ATF7: variants seen among roughly 807,000 people sequenced by gnomAD.
ATF7 encodes cyclic AMP-dependent transcription factor ATF-7.
Under a neutral mutation model 50.4 loss-of-function variants are expected in ATF7, and 10 were observed. The observed-to-expected ratio is 0.20, with a 90% CI of 0.12 to 0.34. ATF7 has a LOEUF of 0.34. Among genes scored for constraint, ATF7 ranks in the 10% least tolerant of loss-of-function variants. ATF7 has a pLI of 1.00. For missense variants in ATF7, 465 were observed against 613.9 expected (o/e 0.76, Z 2.56); for synonymous variants, 201 against 226.4 (o/e 0.89, Z 1.01).
At chr12:53,543,505 A>T in intron 3 of ATF7, 57 bp from the exon 4 acceptor site, 1 of 1,459,270 alleles carries the variant, frequency 6.9e-7, no homozygotes, top group Non-Finnish European at 9.3e-7. Context: ...TTAAAACTTG[A>T]TATTAAATAG....
chr12:53,518,044 T>C (rs1565914135), intron 11 of ATF7, among the ~76,000 whole-genome samples: 1 of 152,054 alleles, frequency 6.6e-6, no homozygotes, highest in Non-Finnish European at 1.5e-5. Flanking sequence ...TTTGAATTTT[T>C]AGTAGAGATG....
chr12:53,581,018 A>G (rs1308199769), intron 2 of ATF7, among the ~76,000 whole-genome samples: 1 of 152,062 alleles, frequency 6.6e-6, no homozygotes, highest in African/African-American at 2.4e-5. Context: ...AGGCTGAGGC[A>G]GGAGAACCAT....
intron 10 of ATF7, among the ~76,000 whole-genome samples, chr12:53,523,717 G>C (rs1938257872): frequency 6.6e-6 from 1 of 152,156 alleles, no homozygotes; most frequent in African/African-American, 2.4e-5. Context: ...TGTTTACTCA[G>C]GTGCATGCAA....
intron 2 of ATF7, among the ~76,000 whole-genome samples, chr12:53,587,589 C>A (rs373069477): frequency 1.3e-4 from 19 of 148,820 alleles, no homozygotes; most frequent in Non-Finnish European, 1.6e-4. Context: ...ATCGCCTGAA[C>A]GTGGGAGGCA....
At chr12:53,563,698 G>A (rs1011737088) in intron 2 of ATF7, among the ~76,000 whole-genome samples, 4 of 152,168 alleles carry the variant, frequency 2.6e-5, no homozygotes, top group African/African-American at 9.7e-5. Flanking sequence ...CCCACCTCTG[G>A]GCTTGCCCAG....
chr12:53,534,410 G>T, intron 6 of ATF7, 92 bp downstream of exon 6: 1 of 1,544,880 alleles, frequency 6.5e-7, no homozygotes, highest in Non-Finnish European at 8.9e-7. Flanking sequence ...ATTTTCCTTG[G>T]GTATTGGAAA....
rs772167688 is a variant in ATF7, at chr12:53,524,662, G to T, written c.1027C>A (p.Arg343=). ...ERRQRFLERN[R]AAASRCRQKR... ...TGGCGGCAGCGGGAGGCTGCAGCCC[G>T]GTTGCGCTCCAGAAAGCGCTGCCGT... Residue 343 remains arginine, a synonymous_variant, in exon 10 of 12, where the codon CGG becomes AGG. Transcript: ENST00000420353. This position sits in a 1 kb window ranked among gnomAD's most constrained non-coding sequence, Gnocchi z 4.6. The T allele has an allele frequency of 1.9e-6, 3 of 1,613,702 alleles. No homozygotes were observed. In the South Asian group the frequency reaches 3.3e-5, roughly 18 times the overall value.
Position 53,533,208 on chromosome 12 carries a change from G to T in ATF7, c.612C>A (p.Thr204=). 6.2e-7 allele frequency: 1 copy of T among 1,613,874 alleles called. No individual in the cohort carries two copies. The highest frequency in any genetic ancestry group is 1.1e-5 in the South Asian group (1 of 91,072). The change falls in exon 7 of 12, where the codon ACC becomes ACA. Residue 204 remains threonine (T), a synonymous_variant. Coordinates refer to ENST00000420353, the MANE Select transcript of ATF7 (RefSeq NM_006856.3). The part of the protein sequence containing the change: ...PLVMHLANGQ[T]MPVLPGPPVQ... ...CTGGAGGCCCTGGCAACACAGGCAT[G>T]GTCTGTCCATTAGCAAGATGCATGA...
At position 53,615,149 on chromosome 12, in the gene ATF7, C is replaced by T. The variant is rs906113067; in HGVS notation, c.-22+11130G>A. ...CTGTAATCTCAACACTTTGGAAGAC[C>T]GAGGCGGGCGGATCACAAGGTCAGG... is the stretch of plus-strand genomic sequence containing the variant. On this transcript the variant is annotated intron_variant, in intron 1 of 11. Transcript: ENST00000420353. Among the ~76,000 whole-genome samples the T allele has an allele frequency of 6.6e-5, 10 of 151,604 alleles. No homozygotes were observed. The East Asian group carries it at 1.2e-3, about 18-fold the overall frequency.
chr12:53,594,307 T>C (rs1289845081), intron 2 of ATF7, among the ~76,000 whole-genome samples: 1 of 152,180 alleles, frequency 6.6e-6, no homozygotes, highest in African/African-American at 2.4e-5. Flanking sequence ...GTTTCAAATA[T>C]TAAGTTATAT....
intron 2 of ATF7, among the ~76,000 whole-genome samples, chr12:53,565,602 C>A (rs140905817): frequency 6.6e-6 from 1 of 152,044 alleles, no homozygotes; most frequent in Non-Finnish European, 1.5e-5. Flanking sequence ...AAGTGATTCT[C>A]GTACTTCGGC....
chr12:53,596,875 T>C (rs1943179746), intron 2 of ATF7, among the ~76,000 whole-genome samples: 1 of 152,198 alleles, frequency 6.6e-6, no homozygotes, highest in Non-Finnish European at 1.5e-5. Context: ...ATAGATGCTA[T>C]CTTATAAACA....
intron 2 of ATF7, among the ~76,000 whole-genome samples, chr12:53,591,060 G>C (rs1942917993): frequency 6.6e-6 from 1 of 152,252 alleles, no homozygotes; most frequent in South Asian, 2.1e-4. Flanking sequence ...TTCAACAATT[G>C]TAACAAATAT....
chr12:53,557,368 A>G (rs1940817822), intron 2 of ATF7, among the ~76,000 whole-genome samples: 1 of 151,412 alleles, frequency 6.6e-6, no homozygotes, highest in South Asian at 2.1e-4. Flanking sequence ...TGTTCAGGCA[A>G]TTTTTGTATT....
chr12:53,540,019 T>C (rs552039013), intron 4 of ATF7, among the ~76,000 whole-genome samples: 80 of 150,684 alleles, frequency 5.3e-4, no homozygotes, highest in African/African-American at 1.9e-3. Flanking sequence ...GCAAGCACCA[T>C]TGCACTCTAG....
intron 2 of ATF7, among the ~76,000 whole-genome samples, chr12:53,567,036 G>A (rs995801659): frequency 6.6e-6 from 1 of 152,170 alleles, no homozygotes; most frequent in African/African-American, 2.4e-5. Context: ...ACAGGCGTGA[G>A]CCATTGCGCC....
chr12:53,588,398 T>C (rs1942812079), intron 2 of ATF7, among the ~76,000 whole-genome samples: 1 of 152,210 alleles, frequency 6.6e-6, no homozygotes, highest in South Asian at 2.1e-4. Context: ...ATGCCAAAAA[T>C]GTCAGAGAAT....
chr12:53,531,274 T>C (rs958007607), intron 9 of ATF7, among the ~76,000 whole-genome samples: 1 of 151,776 alleles, frequency 6.6e-6, no homozygotes, highest in African/African-American at 2.4e-5. Flanking sequence ...TACAAAAAAT[T>C]AGCTGGCCAT....
At chr12:53,613,970 A>C (rs1944004546) in intron 1 of ATF7, among the ~76,000 whole-genome samples, 1 of 152,088 alleles carries the variant, frequency 6.6e-6, no homozygotes, top group African/African-American at 2.4e-5. Context: ...TCAAGCTCAG[A>C]CATGCAGAAA....
Sources: gnomAD v4.1 joint callset for allele counts (sites outside exome capture counted in the v4.1 genomes callset) on GRCh38, gnomAD v4.1.1 for gene constraint, Gnocchi (gnomAD v3.1) non-coding constraint, MANE v1.5 for transcripts, NCBI Gene and HGNC (gene_info 2026-07-23, HGNC 2026-07-21) for gene names.